ERBB4: variants seen among roughly 807,000 people sequenced by gnomAD.
ERBB4 encodes the protein erb-b2 receptor tyrosine kinase 4.
A neutral mutation model predicts 158.0 loss-of-function variants in ERBB4; 42 were observed. The observed-to-expected ratio is 0.27, with a 90% CI of 0.21 to 0.34. The LOEUF is 0.34. ERBB4 is among the 10% of genes least tolerant of loss of function. The pLI is 1.00. For synonymous variants in ERBB4, 583 were observed against 558.7 expected (o/e 1.04, Z -0.61); for missense variants, 1,333 against 1,624.1 (o/e 0.82, Z 3.08).
At chr2:212,036,446 T>C (rs17415558) in intron 2 of ERBB4, among the ~76,000 whole-genome samples, 12,225 of 151,910 alleles carry the variant, frequency 0.08, 693 homozygotes, top group Non-Finnish European at 0.12. Context: ...GTGGAACTAG[T>C]TCAAATCATG....
intron 4 of ERBB4, among the ~76,000 whole-genome samples, chr2:211,766,117 C>T (rs2075544596): frequency 6.6e-6 from 1 of 152,192 alleles, no homozygotes; most frequent in African/African-American, 2.4e-5. Flanking sequence ...AATGTCACTG[C>T]ATAATTTTCT....
chr2:212,294,272 T>C (rs2086327696), intron 1 of ERBB4, among the ~76,000 whole-genome samples: 1 of 151,942 alleles, frequency 6.6e-6, no homozygotes, highest in African/African-American at 2.4e-5. Context: ...ATGGATTGCC[T>C]ATTTATTTTA....
At chr2:212,067,777 C>T (rs2077987859) in intron 2 of ERBB4, among the ~76,000 whole-genome samples, 2 of 151,986 alleles carry the variant, frequency 1.3e-5, no homozygotes, top group South Asian at 2.1e-4. Flanking sequence ...TTATCCCTAC[C>T]TCTTTCAGTT....
At chr2:211,590,193 C>G (rs1327117569) in intron 19 of ERBB4, among the ~76,000 whole-genome samples, 1 of 152,188 alleles carries the variant, frequency 6.6e-6, no homozygotes, top group Non-Finnish European at 1.5e-5. Flanking sequence ...ACTTAAACGA[C>G]TCCATCGTGC....
intron 4 of ERBB4, among the ~76,000 whole-genome samples, chr2:211,774,030 T>G (rs2075808608): frequency 6.6e-6 from 1 of 151,834 alleles, no homozygotes; most frequent in Admixed American, 6.6e-5. Context: ...CTTGGACTAG[T>G]ACGGTCTTAG....
chr2:211,933,960 A>G (rs1453267971), intron 3 of ERBB4, among the ~76,000 whole-genome samples: 1 of 152,068 alleles, frequency 6.6e-6, no homozygotes, highest in Admixed American at 6.6e-5. Flanking sequence ...TCAAAATAAA[A>G]CAACATAAAA....
chr2:211,963,641 C>G (rs1292444969), intron 2 of ERBB4, among the ~76,000 whole-genome samples: 1 of 151,968 alleles, frequency 6.6e-6, no homozygotes, highest in Non-Finnish European at 1.5e-5. Flanking sequence ...TTCTCTTTCT[C>G]TCTGTTTCTC....
intron 3 of ERBB4, among the ~76,000 whole-genome samples, chr2:211,822,924 A>G (rs754493612): frequency 1.1e-4 from 17 of 152,034 alleles, no homozygotes; most frequent in Non-Finnish European, 2.1e-4. Flanking sequence ...CCATTTCTAT[A>G]TCTAGAGCTT....
intron 12 of ERBB4, among the ~76,000 whole-genome samples, chr2:211,680,986 C>T (rs571331149): frequency 6.6e-6 from 1 of 152,308 alleles, no homozygotes; most frequent in South Asian, 2.1e-4. Context: ...AATGATTCCT[C>T]ATGACCTTAT....
At chr2:212,386,251 T>C (rs578261625) in intron 1 of ERBB4, among the ~76,000 whole-genome samples, 1 of 152,128 alleles carries the variant, frequency 6.6e-6, no homozygotes, top group East Asian at 1.9e-4. Flanking sequence ...GGCCCACACC[T>C]CTTTCCTAAA....
intron 1 of ERBB4, among the ~76,000 whole-genome samples, chr2:212,525,122 T>C (rs1263049176): frequency 6.6e-6 from 1 of 152,052 alleles, no homozygotes; most frequent in Non-Finnish European, 1.5e-5. Context: ...GAATATACTT[T>C]GTTCATCACA....
chr2:212,123,689 G>T (rs1248478737), intron 2 of ERBB4, among the ~76,000 whole-genome samples: 1 of 152,102 alleles, frequency 6.6e-6, no homozygotes, highest in African/African-American at 2.4e-5. Context: ...ATGTTTTGAG[G>T]TGGTTCATTT....
At chr2:211,709,094 C>T (rs2073567986) in intron 9 of ERBB4, among the ~76,000 whole-genome samples, 1 of 151,900 alleles carries the variant, frequency 6.6e-6, no homozygotes. Context: ...TGGTATTCTT[C>T]CCATAAACTT....
intron 1 of ERBB4, among the ~76,000 whole-genome samples, chr2:212,485,118 A>G (rs1309704117): frequency 1.3e-5 from 2 of 152,246 alleles, no homozygotes; most frequent in Non-Finnish European, 2.9e-5. Flanking sequence ...GCCAGAAAGC[A>G]GCAGAGAAAG....
At chr2:212,373,229 G>T (rs1255690352) in intron 1 of ERBB4, among the ~76,000 whole-genome samples, 2 of 151,782 alleles carry the variant, frequency 1.3e-5, no homozygotes, top group African/African-American at 2.4e-5. Context: ...TTAGAGATTA[G>T]GTAGAGAGTA....
intron 5 of ERBB4, among the ~76,000 whole-genome samples, chr2:211,748,990 T>G (rs2075051104): frequency 6.6e-6 from 1 of 152,228 alleles, no homozygotes; most frequent in South Asian, 2.1e-4. Flanking sequence ...TTTCACACAA[T>G]AATCTCATCT....
At chr2:211,789,907 T>C (rs528328779) in intron 3 of ERBB4, among the ~76,000 whole-genome samples, 2 of 152,224 alleles carry the variant, frequency 1.3e-5, no homozygotes, top group South Asian at 2.1e-4. Context: ...AGTTTTGATA[T>C]TGTAGTTCTT....
intron 1 of ERBB4, among the ~76,000 whole-genome samples, chr2:212,291,876 T>C (rs2086219966): frequency 6.6e-6 from 1 of 152,018 alleles, no homozygotes; most frequent in African/African-American, 2.4e-5. Context: ...TTTATTAGGC[T>C]CTTTCAGAAC....
In ERBB4 at chr2:211,904,605, T is replaced by C. The variant is rs1446723653; in HGVS notation, c.421+42825A>G. On this transcript the variant is annotated intron_variant, in intron 3 of 27. Coordinates refer to ENST00000342788, the MANE Select transcript of ERBB4 (RefSeq NM_005235.3). ...TAGCTCACACTTAGTGCTAAATAAA[T>C]ATTAATTATTACATTATTACTATCC... is the stretch of plus-strand genomic sequence containing the variant. Among the ~76,000 whole-genome samples the C allele has an allele frequency of 4.6e-5, 7 of 152,284 alleles. No individual in the cohort carries two copies. The East Asian group carries it at 1.4e-3, about 29-fold the overall frequency.
Sources: allele counts gnomAD v4.1 joint callset (sites outside exome capture counted in the v4.1 genomes callset), GRCh38; gene constraint gnomAD v4.1.1; transcripts MANE v1.5; gene names NCBI Gene and HGNC (gene_info 2026-07-23, HGNC 2026-07-21).